The following RBFOX1 variants were observed in gnomAD, a reference collection of about 807,000 sequenced individuals.
RBFOX1 encodes the protein RNA binding fox-1 homolog 1, also known as RNA binding protein fox-1 homolog 1.
A neutral mutation model predicts 57.7 loss-of-function variants in RBFOX1; 8 were observed. That is an observed-to-expected ratio of 0.14 (90% CI 0.08 to 0.25). RBFOX1 has a LOEUF of 0.25. Ranked by LOEUF, RBFOX1 falls within the 10% of genes least tolerant of loss-of-function variation. The probability of loss-of-function intolerance (pLI) is 1.00; values close to 1 mark genes in which losing one functional copy is unlikely to be tolerated. For synonymous variants in RBFOX1, 326 were observed against 222.4 expected (o/e 1.47, Z -4.15); for missense variants, 611 against 548.5 (o/e 1.11, Z -1.14).
chr16:5,401,942 A>G (rs2066729177), intron 1 of RBFOX1, among the ~76,000 whole-genome samples: 1 of 151,930 alleles, frequency 6.6e-6, no homozygotes, highest in Non-Finnish European at 1.5e-5. Flanking sequence ...TCTCCACCCA[A>G]AATAGGTTGA....
At chr16:5,509,361 C>G (rs1048569562) in intron 2 of RBFOX1, among the ~76,000 whole-genome samples, 1 of 152,122 alleles carries the variant, frequency 6.6e-6, no homozygotes, top group Admixed American at 6.5e-5. Context: ...TGAGGAGAAG[C>G]GGGTGATCTC....
intron 1 of RBFOX1, among the ~76,000 whole-genome samples, chr16:6,106,603 A>C (rs1297060546): frequency 2.6e-5 from 4 of 152,148 alleles, no homozygotes; most frequent in African/African-American, 7.2e-5. Context: ...AAGTCTCTTC[A>C]TTGCCAAGGG....
At chr16:5,245,433 A>G (rs117297458) in intron 1 of RBFOX1, among the ~76,000 whole-genome samples, 6,992 of 152,248 alleles carry the variant, frequency 0.046, 346 homozygotes, top group African/African-American at 0.12. Flanking sequence ...GAGGCATCCC[A>G]GGTAGCCAGT....
intron 3 of RBFOX1, among the ~76,000 whole-genome samples, chr16:6,871,748 T>G (rs534205694): frequency 6.6e-6 from 1 of 152,142 alleles, no homozygotes; most frequent in Admixed American, 6.6e-5. Context: ...ATCGCCATCA[T>G]TCTTGCTGAA....
intron 3 of RBFOX1, among the ~76,000 whole-genome samples, chr16:6,964,976 C>G (rs761293986): frequency 3.9e-5 from 6 of 152,136 alleles, no homozygotes; most frequent in African/African-American, 9.7e-5. Flanking sequence ...CGAGTGTGGC[C>G]TATCCTACGT....
At chr16:7,411,036 CTT>C (rs1286208221) in intron 4 of RBFOX1, among the ~76,000 whole-genome samples, 2 of 152,146 alleles carry the variant, frequency 1.3e-5, no homozygotes, top group Non-Finnish European at 2.9e-5. Flanking sequence ...CCCTCTGCCT[CTT>C]GAGTTTAAGC....
rs147436850 is a variant in RBFOX1 at position 5,926,130 on chromosome 16, T to C, written c.351+58795T>C. Among the ~76,000 whole-genome samples, 43 of 152,336 alleles carry C rather than the reference T, an allele frequency of 2.8e-4. 1 individual carries two copies. Among genetic ancestry groups the C allele is most frequent in the African/African-American group, 9.6e-4 (40 of 41,588 alleles). ...GGCCATTCAAAGACATATTGTTATC[T>C]CTTCCAGTGAAAAGGGAAGGTAAAA... On this transcript the variant is annotated intron_variant, in intron 4 of 19. Coordinates refer to the RBFOX1 transcript ENST00000641259.
chr16:5,908,101 T>TATATACAC (rs2058509250), intron 4 of RBFOX1, among the ~76,000 whole-genome samples: 1 of 142,140 alleles, frequency 7.0e-6, no homozygotes, highest in African/African-American at 2.9e-5. Flanking sequence ...TATATACACA[T>TATATACAC]ATATATATAC....
At chr16:7,310,362 C>G (rs576579731) in intron 4 of RBFOX1, among the ~76,000 whole-genome samples, 1 of 152,106 alleles carries the variant, frequency 6.6e-6, no homozygotes, top group Non-Finnish European at 1.5e-5. Flanking sequence ...TCCTGTCATG[C>G]TATAGCCCTG....
intron 1 of RBFOX1, among the ~76,000 whole-genome samples, chr16:6,113,299 A>G (rs568137234): frequency 2.0e-5 from 3 of 152,122 alleles, no homozygotes; most frequent in East Asian, 3.9e-4. Context: ...ACTTCCTCTC[A>G]CCTCTCATTG....
intron 4 of RBFOX1, among the ~76,000 whole-genome samples, chr16:7,370,240 T>C (rs530562775): frequency 6.6e-6 from 1 of 152,258 alleles, no homozygotes; most frequent in Non-Finnish European, 1.5e-5. Flanking sequence ...AAAGTGGCCA[T>C]TGATTGAGAA....
At chr16:7,157,499 T>C (rs921161547) in intron 4 of RBFOX1, among the ~76,000 whole-genome samples, 6 of 152,112 alleles carry the variant, frequency 3.9e-5, no homozygotes, top group African/African-American at 1.2e-4. Context: ...CTGGGATTCG[T>C]TGGGGGCCTG....
chr16:5,762,559 T>A (rs1252103854), intron 3 of RBFOX1, among the ~76,000 whole-genome samples: 1 of 152,184 alleles, frequency 6.6e-6, no homozygotes, highest in Non-Finnish European at 1.5e-5. Flanking sequence ...TTTGGGAAAT[T>A]TCCCCGCGGG....
At chr16:6,496,892 G>A (rs1053861702) in intron 2 of RBFOX1, among the ~76,000 whole-genome samples, 11 of 152,084 alleles carry the variant, frequency 7.2e-5, no homozygotes, top group African/African-American at 2.4e-4. Context: ...CCCAGGAGGT[G>A]GAGATTGTGG....
At chr16:6,842,313 G>C (rs933664797) in intron 3 of RBFOX1, among the ~76,000 whole-genome samples, 8 of 151,724 alleles carry the variant, frequency 5.3e-5, no homozygotes, top group Admixed American at 1.3e-4. Flanking sequence ...ATTTTTTTCT[G>C]ATCAGAGAAA....
At chr16:6,358,894 C>T (rs1017119655) in intron 2 of RBFOX1, among the ~76,000 whole-genome samples, 1 of 152,146 alleles carries the variant, frequency 6.6e-6, no homozygotes, top group Non-Finnish European at 1.5e-5. Context: ...GCCGGAGGGA[C>T]ATATTGAGTT....
intron 13 of RBFOX1, among the ~76,000 whole-genome samples, chr16:7,666,301 G>A (rs890096364): frequency 6.6e-6 from 1 of 151,444 alleles, no homozygotes; most frequent in East Asian, 1.9e-4. Context: ...TAGGGCTTTA[G>A]AAATGAAAGG....
At chr16:7,395,185 C>G (rs896390795) in intron 4 of RBFOX1, among the ~76,000 whole-genome samples, 3 of 150,426 alleles carry the variant, frequency 2.0e-5, no homozygotes, top group African/African-American at 4.9e-5. Flanking sequence ...TCCCTGACAG[C>G]CAAGACCTAA....
At chr16:5,931,205 C>T (rs1414155867) in intron 4 of RBFOX1, among the ~76,000 whole-genome samples, 1 of 152,146 alleles carries the variant, frequency 6.6e-6, no homozygotes, top group Non-Finnish European at 1.5e-5. Flanking sequence ...CATCAATCAT[C>T]CTATTGCTCA....
Sources: gnomAD v4.1 joint callset for allele counts (sites outside exome capture counted in the v4.1 genomes callset) on GRCh38, gnomAD v4.1.1 for gene constraint, MANE v1.5 for transcripts, NCBI Gene and HGNC (gene_info 2026-07-23, HGNC 2026-07-21) for gene names.